The following SAXO1 variants were observed in gnomAD, a reference collection of about 807,000 sequenced individuals.
The protein encoded by SAXO1 is stabilizer of axonemal microtubules 1.
A neutral mutation model predicts 17.5 loss-of-function variants in SAXO1; 21 were observed. That is an observed-to-expected ratio of 1.20 (90% confidence interval 0.85 to 1.72). The LOEUF is 1.72. Among genes scored for constraint, SAXO1 ranks in the 40% most tolerant of loss-of-function variants. SAXO1 has a pLI of 0.00. For missense variants in SAXO1, 843 were observed against 596.0 expected, an observed-to-expected ratio of 1.41 and a Z score of -4.32; for synonymous variants, 274 against 216.5, an observed-to-expected ratio of 1.27 and a Z score of -2.33.
chr9:18,930,540 C>T (rs1006999429), intron 3 of SAXO1, among the ~76,000 whole-genome samples: 1 of 151,620 alleles, frequency 6.6e-6, no homozygotes, highest in Non-Finnish European at 1.5e-5. Context: ...ACTCTTGTTG[C>T]CCAGGCTGGA....
chr9:19,031,623 G>C (rs998333928), intron 1 of SAXO1, among the ~76,000 whole-genome samples: 3 of 152,220 alleles, frequency 2.0e-5, no homozygotes, highest in Non-Finnish European at 4.4e-5. Flanking sequence ...TGTAGTCCTA[G>C]ACTATACACT....
chr9:18,977,389 T>C (rs73431256), intron 1 of SAXO1, among the ~76,000 whole-genome samples: 23,324 of 152,182 alleles, frequency 0.15, 3,528 homozygotes, highest in African/African-American at 0.4. Flanking sequence ...TTTGTGCTTA[T>C]TAACTTATTT....
chr9:19,023,539 T>A (rs1192366542), intron 1 of SAXO1, among the ~76,000 whole-genome samples: 7 of 152,142 alleles, frequency 4.6e-5, no homozygotes, highest in Non-Finnish European at 7.4e-5. Context: ...AAGGCTGGGA[T>A]TTGAACCAAG....
intron 1 of SAXO1, chr9:19,028,014 T>C (rs1835578335): frequency 6.2e-7 from 1 of 1,607,636 alleles, no homozygotes; most frequent in African/African-American, 1.3e-5. Flanking sequence ...AGGCTGTGTC[T>C]GTGGAGGCGG....
intron 1 of SAXO1, among the ~76,000 whole-genome samples, chr9:19,038,976 T>A (rs944743519): frequency 6.6e-6 from 1 of 152,116 alleles, no homozygotes; most frequent in Non-Finnish European, 1.5e-5. Flanking sequence ...TAATACTCAG[T>A]GGTGCTGCAC....
At chr9:18,939,140 T>G (rs532652178) in intron 3 of SAXO1, among the ~76,000 whole-genome samples, 74 of 152,252 alleles carry the variant, frequency 4.9e-4, no homozygotes, top group Non-Finnish European at 9.8e-4. Context: ...ATATGCCATA[T>G]CACAGTCCCT....
At chr9:19,009,806 A>T (rs1834649000) in intron 1 of SAXO1, among the ~76,000 whole-genome samples, 1 of 148,766 alleles carries the variant, frequency 6.7e-6, no homozygotes, top group Non-Finnish European at 1.5e-5. Flanking sequence ...TAAAGAGGTG[A>T]AGTCCATTAA....
chr9:19,014,267 C>A (rs1414960671), intron 1 of SAXO1, among the ~76,000 whole-genome samples: 1 of 151,856 alleles, frequency 6.6e-6, no homozygotes, highest in Non-Finnish European at 1.5e-5. Context: ...GCAAGACCAG[C>A]CTGGCCAACG....
At chr9:18,980,528 C>CGGGG (rs1554675110) in intron 1 of SAXO1, among the ~76,000 whole-genome samples, 17 of 81,770 alleles carry the variant, frequency 2.1e-4, no homozygotes, top group African/African-American at 7.4e-4. Context: ...AAGGTAGTGG[C>CGGGG]GGGGGGAGGG....
intron 3 of SAXO1, among the ~76,000 whole-genome samples, chr9:18,936,861 A>C (rs1831316560): frequency 6.6e-6 from 1 of 152,250 alleles, no homozygotes; most frequent in Non-Finnish European, 1.5e-5. Context: ...AATGCCGCTA[A>C]AGCATATTTT....
intron 1 of SAXO1, among the ~76,000 whole-genome samples, chr9:18,997,532 A>C (rs1834056885): frequency 6.6e-6 from 1 of 152,274 alleles, no homozygotes; most frequent in Admixed American, 6.5e-5. Flanking sequence ...CTCTGGGGGC[A>C]GGGCATATCT....
In SAXO1 at chr9:19,022,753, G is replaced by C. The variant is rs191803976; in HGVS notation, c.38+10118C>G. Among the ~76,000 whole-genome samples the C allele has an allele frequency of 4.8e-3, 736 of 152,188 alleles. 4 individuals are homozygous for C. The highest frequency in any genetic ancestry group is 0.013 in the South Asian group (64 of 4,818). ...ATAGTCTAGATATTTAAAATATAAG[G>C]ATATATTTTGCTTAGCAGCTAATTT... On this transcript the variant is annotated intron_variant, in intron 1 of 3. Coordinates refer to ENST00000380534, the MANE Select transcript of SAXO1 (RefSeq NM_153707.4).
rs146557438 is a variant in SAXO1, at chr9:19,024,149, T to G, written c.38+8722A>C. 3.2e-3 allele frequency among the ~76,000 whole-genome samples: 486 copies of G among 150,902 alleles called. 2 individuals carry two copies. The highest frequency in any genetic ancestry group is 0.011 in the African/African-American group (434 of 40,962). ...AGACATGTAAGAGTCCCTCTGCAATTTGCCTCCAGCAAGCTTCCGGCACGA... is the reference window on the plus strand; with the variant it reads ...AGACATGTAAGAGTCCCTCTGCAATGTGCCTCCAGCAAGCTTCCGGCACGA... On this transcript the variant is annotated intron_variant, in intron 1 of 3. Transcript: ENST00000380534.
intron 1 of SAXO1, among the ~76,000 whole-genome samples, chr9:18,976,218 G>C (rs893030191): frequency 6.6e-6 from 1 of 152,194 alleles, no homozygotes; most frequent in Non-Finnish European, 1.5e-5. Context: ...ACTGAGTAGA[G>C]TAGAAAGAAC....
At chr9:19,006,532 G>A (rs914422151) in intron 1 of SAXO1, among the ~76,000 whole-genome samples, 1 of 152,166 alleles carries the variant, frequency 6.6e-6, no homozygotes, top group Non-Finnish European at 1.5e-5. Context: ...AACAAATATT[G>A]TATGTCTCCA....
intron 3 of SAXO1, among the ~76,000 whole-genome samples, chr9:18,932,622 T>A (rs1288167893): frequency 6.6e-6 from 1 of 152,228 alleles, no homozygotes; most frequent in African/African-American, 2.4e-5. Context: ...CAGATCAATT[T>A]GGGACAACTT....
intron 1 of SAXO1, among the ~76,000 whole-genome samples, chr9:19,042,115 T>A (rs375882329): frequency 8.4e-6 from 1 of 119,526 alleles, no homozygotes; most frequent in East Asian, 2.3e-4. Context: ...AATAATCTAA[T>A]TTTTTAATGG....
intron 1 of SAXO1, among the ~76,000 whole-genome samples, chr9:18,985,614 G>A (rs1833560480): frequency 6.6e-6 from 1 of 152,104 alleles, no homozygotes; most frequent in Non-Finnish European, 1.5e-5. Context: ...CCAAGGATGG[G>A]CAGAGACCCA....
intron 1 of SAXO1, among the ~76,000 whole-genome samples, chr9:19,043,960 C>A (rs577826588): frequency 6.6e-6 from 1 of 152,032 alleles, no homozygotes; most frequent in East Asian, 1.9e-4. Flanking sequence ...GTCTGGCCAA[C>A]ATGGTGAAAC....
Sources: gnomAD v4.1 joint callset for allele counts (sites outside exome capture counted in the v4.1 genomes callset) on GRCh38, gnomAD v4.1.1 for gene constraint, MANE v1.5 for transcripts, NCBI Gene and HGNC (gene_info 2026-07-23, HGNC 2026-07-21) for gene names.